Variants in CLSTN1 observed in about 807,000 individuals in gnomAD.
CLSTN1 encodes calsyntenin-1.
In CLSTN1, 28 loss-of-function variants were observed where a neutral mutation model predicts 108.3. The observed-to-expected ratio is 0.26, with a 90% confidence interval of 0.19 to 0.35. CLSTN1 has a LOEUF of 0.35. Ranked by LOEUF, CLSTN1 falls within the 10% of genes least tolerant of loss-of-function variation. CLSTN1 has a pLI of 1.00. For synonymous variants in CLSTN1, 524 were observed against 534.9 expected, an observed-to-expected ratio of 0.98 and a Z score of 0.28; for missense variants, 1,157 against 1,302.6, an observed-to-expected ratio of 0.89 and a Z score of 1.72.
intron 1 of CLSTN1, among the ~76,000 whole-genome samples, chr1:9,806,610 T>C: frequency 6.6e-6 from 1 of 152,212 alleles, no homozygotes; most frequent in East Asian, 1.9e-4. Flanking sequence ...CCGGGCGCGG[T>C]GGCTCACGCC....
intron 1 of CLSTN1, among the ~76,000 whole-genome samples, chr1:9,791,154 A>C (rs1653755207): frequency 6.6e-6 from 1 of 150,944 alleles, no homozygotes; most frequent in Non-Finnish European, 1.5e-5. Context: ...AAAAAAAAAA[A>C]AAAAAAAAGA....
intron 1 of CLSTN1, among the ~76,000 whole-genome samples, chr1:9,820,724 T>C (rs1429100549): frequency 1.3e-5 from 2 of 152,110 alleles, no homozygotes; most frequent in Non-Finnish European, 2.9e-5. Flanking sequence ...GGGAAACATA[T>C]GCAAAGCAGA....
chr1:9,779,283 A>C (rs1233744418), intron 1 of CLSTN1, among the ~76,000 whole-genome samples: 1 of 152,042 alleles, frequency 6.6e-6, no homozygotes, highest in Non-Finnish European at 1.5e-5. Flanking sequence ...TTTTTAAAAA[A>C]ATTTTTAGGA....
rs1650213338 is a variant in CLSTN1, at chr1:9,729,455, C to CTGTT, written c.*1049_*1052dup. On this transcript the variant is annotated 3_prime_UTR_variant, in exon 19 of 19. Transcript: ENST00000377298. ...TGGGGAGGAGAGAGGAGAGAACAGG[C>CTGTT]TGTTTTGGAAAATTCCAGCACTTTG... is the stretch of plus-strand genomic sequence containing the variant. 1 of 151,834 alleles carries CTGTT rather than the reference C, an allele frequency of 6.6e-6. No individual in the cohort carries two copies. The highest frequency in any genetic ancestry group is 6.6e-5 in the Admixed American group (1 of 15,222). The allele number at this position is 151,834 out of a possible 1,614,324, so 9.4% of individuals were successfully genotyped here.
intron 10 of CLSTN1, among the ~76,000 whole-genome samples, chr1:9,738,441 G>A (rs1650804698): frequency 6.6e-6 from 1 of 152,168 alleles, no homozygotes; most frequent in African/African-American, 2.4e-5. Context: ...AAGGCTAGAG[G>A]TGTATCCAGG....
intron 16 of CLSTN1, among the ~76,000 whole-genome samples, chr1:9,733,175 G>A (rs1191002388): frequency 6.6e-6 from 1 of 152,082 alleles, no homozygotes; most frequent in Non-Finnish European, 1.5e-5. Context: ...CCAGGGAAAG[G>A]GGAGCACCCC....
At chr1:9,811,981 C>T (rs1275029905) in intron 1 of CLSTN1, among the ~76,000 whole-genome samples, 2 of 151,926 alleles carry the variant, frequency 1.3e-5, no homozygotes, top group African/African-American at 4.8e-5. Flanking sequence ...ACTAAAAATA[C>T]AAAAAATTAG....
chr1:9,744,697 C>A, intron 7 of CLSTN1, 54 bp from the exon 8 acceptor site: 1 of 1,539,112 alleles, frequency 6.5e-7, no homozygotes, highest in Non-Finnish European at 8.7e-7. Flanking sequence ...GTCCCGCGCA[C>A]CTCAAGCCCC....
At chr1:9,757,988 T>TTTTG (rs1177346677) in intron 2 of CLSTN1, among the ~76,000 whole-genome samples, 5 of 151,912 alleles carry the variant, frequency 3.3e-5, no homozygotes, top group South Asian at 2.1e-4. Flanking sequence ...GCATGCAGTT[T>TTTTG]TTTGTTTGTT....
chr1:9,742,259 A>C (rs534342680), intron 9 of CLSTN1, among the ~76,000 whole-genome samples: 1 of 152,096 alleles, frequency 6.6e-6, no homozygotes, highest in Non-Finnish European at 1.5e-5. Context: ...ATGCTTGTCT[A>C]TGAGATACAT....
rs200656039 is a variant in CLSTN1, at chr1:9,739,817, T to C, written c.1519+1277A>G. 5.4e-3 allele frequency among the ~76,000 whole-genome samples: 717 copies of C among 133,658 alleles called. 3 individuals carry two copies. The highest frequency in any genetic ancestry group is 0.022 in the African/African-American group (626 of 28,254). 87.7% of individuals were successfully genotyped at this position (133,658 alleles called of 152,430 possible). A position where few individuals can be genotyped will look rare whatever the true frequency, so the allele number is the denominator to read the frequency against. On this transcript the variant is annotated intron_variant, in intron 10 of 18. Transcript: ENST00000377298. ...TCGGGCTGGAGTGCAATAGGGCATT[T>C]TTTTTTTTTTTTTTTTTGAGACGGA... is the stretch of plus-strand genomic sequence containing the variant.
At position 9,823,811 on chromosome 1, in the gene CLSTN1, G is replaced by T. The variant is rs1655288854; in HGVS notation, c.-78C>A. The stretch of plus-strand genomic sequence containing the variant: ...TCTCGGAGCTCTCGGGGCTCTAGGG[G>T]CCTGGGGCTAGCTGCTCCGCGGCGC... On this transcript the variant is annotated 5_prime_UTR_variant, in exon 1 of 19. Transcript: ENST00000377298. The surrounding 1 kb of genome is among the most constrained non-coding windows in gnomAD (Gnocchi z 6.3). 4 of 738,338 alleles carry T rather than the reference G, an allele frequency of 5.4e-6. No individual in the cohort carries two copies. The highest frequency in any genetic ancestry group is 6.7e-6 in the Non-Finnish European group (4 of 597,420). 45.7% of individuals were successfully genotyped at this position (738,338 alleles called of 1,614,324 possible).
chr1:9,795,223 T>C (rs1653936440), intron 1 of CLSTN1, among the ~76,000 whole-genome samples: 1 of 150,742 alleles, frequency 6.6e-6, no homozygotes, highest in Non-Finnish European at 1.5e-5. Context: ...TGGAGTACAG[T>C]GGCCCGATCT....
At chr1:9,803,246 A>G (rs1654362111) in intron 1 of CLSTN1, among the ~76,000 whole-genome samples, 1 of 152,222 alleles carries the variant, frequency 6.6e-6, no homozygotes, top group African/African-American at 2.4e-5. Context: ...AAAGGATTAG[A>G]TAACCTCTCA....
Position 9,734,875 on chromosome 1 carries a change from C to T in CLSTN1, c.2110+73G>A. 4 of 1,265,236 alleles carry T rather than the reference C, an allele frequency of 3.2e-6. No homozygotes were observed. The highest frequency in any genetic ancestry group is 2.3e-5 in the East Asian group (1 of 42,856). 78.4% of individuals were successfully genotyped at this position (1,265,236 alleles called of 1,614,324 possible). A position where few individuals can be genotyped will look rare whatever the true frequency, so the allele number is the denominator to read the frequency against. ...CCCCAAATCCCACAGAGACAAAGAG[C>T]CCCGCCAAGTACATGGGGACAATGG... On this transcript the variant is annotated intron_variant, in intron 14 of 18. Coordinates refer to ENST00000377298, the MANE Select transcript of CLSTN1 (RefSeq NM_001009566.3). This position sits in a 1 kb window ranked among gnomAD's most constrained non-coding sequence, Gnocchi z 4.8.
chr1:9,734,200 G>T lies in CLSTN1; in HGVS notation c.2111-58C>A. On this transcript the variant is annotated intron_variant, in intron 14 of 18. Transcript: ENST00000377298. This position sits in a 1 kb window ranked among gnomAD's most constrained non-coding sequence, Gnocchi z 4.8. ...AGGGGCAGTGGGGCCCAGCGTGGCG[G>T]GGCACACTGGATGCCCTGCCGGCTC... The T allele has an allele frequency of 6.4e-7, 1 of 1,557,358 alleles. No homozygotes were observed. The highest frequency in any genetic ancestry group is 8.8e-7 in the Non-Finnish European group (1 of 1,137,116).
At position 9,731,903 on chromosome 1, in the gene CLSTN1, C is replaced by T. The variant is rs373237815; in HGVS notation, c.2428-7G>A. ...CCGTGTGGATTACATTCACCTATAG[C>T]AGAGAAAGAGAGGATCGCTGGAGAC... is the stretch of plus-strand genomic sequence containing the variant. On this transcript the variant is annotated splice_polypyrimidine_tract_variant and splice_region_variant and intron_variant, in intron 16 of 18. Coordinates refer to ENST00000377298, the MANE Select transcript of CLSTN1 (RefSeq NM_001009566.3). 141 of 1,613,936 alleles carry T rather than the reference C, an allele frequency of 8.7e-5. No individual in the cohort carries two copies. The highest frequency in any genetic ancestry group is 1.1e-4 in the Non-Finnish European group (128 of 1,180,024).
At chr1:9,769,498 GT>G (rs1312310676) in intron 2 of CLSTN1, among the ~76,000 whole-genome samples, 2 of 152,160 alleles carry the variant, frequency 1.3e-5, no homozygotes, top group African/African-American at 4.8e-5. Context: ...CCTAACACAG[GT>G]AAACTGTGAA....
intron 17 of CLSTN1, 65 bp downstream of exon 17, chr1:9,731,696 G>C: frequency 6.6e-7 from 1 of 1,512,740 alleles, no homozygotes; most frequent in Non-Finnish European, 9.2e-7. Context: ...CTGTGCCCAC[G>C]GTGGGGTGGG....
Sources: allele counts gnomAD v4.1 joint callset (sites outside exome capture counted in the v4.1 genomes callset), GRCh38; gene constraint gnomAD v4.1.1; non-coding constraint Gnocchi (gnomAD v3.1); transcripts MANE v1.5; gene names NCBI Gene and HGNC (gene_info 2026-07-23, HGNC 2026-07-21).